Variants in INSR observed in about 807,000 individuals in gnomAD.
INSR encodes the protein insulin receptor.
In INSR, 67 loss-of-function variants were observed where a neutral mutation model predicts 142.6. That is an observed-to-expected ratio of 0.47 (90% CI 0.39 to 0.58). The LOEUF is 0.58. Among genes scored for constraint, INSR ranks in the 20% least tolerant of loss-of-function variants. INSR has a pLI of 0.00. For synonymous variants in INSR, 756 were observed against 743.1 expected (o/e 1.02, Z -0.28); for missense variants, 1,248 against 1,833.2 (o/e 0.68, Z 5.83).
Position 7,267,777 on chromosome 19 carries a change from G to A in INSR, c.220C>T (p.Arg74Ter). Residue 74 changes from arginine to a stop codon, truncating the protein, a stop_gained, in exon 2 of 22, where the codon CGA (arginine) becomes TGA (stop). Transcript: ENST00000302850. LOFTEE classifies it high-confidence loss of function. The surrounding 1 kb of genome is among the most constrained non-coding windows in gnomAD (Gnocchi z 6.3). ...LMFKTRPEDF[R>*]DLSFPKLIMI... ...ATGAGTTTGGGGAAACTGAGGTCTC[G>A]GAAATCTTCGGGCCTCGTTTTGAAC... 1 of 1,614,148 alleles carries A rather than the reference G, an allele frequency of 6.2e-7. No individual in the cohort carries two copies. Among genetic ancestry groups the A allele is most frequent in the East Asian group, 2.2e-5 (1 of 44,890 alleles).
At chr19:7,179,057 T>G (rs1402976374) in intron 3 of INSR, among the ~76,000 whole-genome samples, 2 of 152,136 alleles carry the variant, frequency 1.3e-5, no homozygotes, top group Non-Finnish European at 2.9e-5. Context: ...ACTACAGGCA[T>G]GCACCCCCTC....
In INSR at chr19:7,180,529, CAA is replaced by C. The variant is rs57184012; in HGVS notation, c.974+3785_974+3786del. On this transcript the variant is annotated intron_variant, in intron 3 of 21. Transcript: ENST00000302850. ...TGGGTGACAGACCAAGACCTTGTCT[CAA>C]AAAAAAAAAAAAAAGACAAAAATAT... 7.4e-4 allele frequency among the ~76,000 whole-genome samples: 68 copies of C among 91,788 alleles called. 3 individuals are homozygous for C. The highest frequency in any genetic ancestry group is 1.4e-3 in the African/African-American group (32 of 22,516). The allele number at this position is 91,788 out of a possible 152,430, so 60.2% of individuals were successfully genotyped here. A position where few individuals can be genotyped will look rare whatever the true frequency, so the allele number is the denominator to read the frequency against.
At chr19:7,292,475 G>T (rs930952928) in intron 1 of INSR, among the ~76,000 whole-genome samples, 6 of 121,754 alleles carry the variant, frequency 4.9e-5, no homozygotes, top group African/African-American at 1.7e-4. Flanking sequence ...GGGGCTGGGG[G>T]GGGGTGGGCC....
rs3957263 is a variant in INSR at position 7,231,304 on chromosome 19, T to G, written c.652+36041A>C. ...TTTGGTGGTGTTTTTTGTTTTTTTTTTTTTTTTTTTTTTTGAGATGGAGTC... is the reference window on the plus strand; with the variant it reads ...TTTGGTGGTGTTTTTTGTTTTTTTTGTTTTTTTTTTTTTTGAGATGGAGTC... On this transcript the variant is annotated intron_variant, in intron 2 of 21. Transcript: ENST00000302850. 3.2e-3 allele frequency among the ~76,000 whole-genome samples: 240 copies of G among 75,296 alleles called. 2 individuals are homozygous for G. The highest frequency in any genetic ancestry group is 9.3e-3 in the African/African-American group (170 of 18,254). 49.4% of individuals were successfully genotyped at this position (75,296 alleles called of 152,430 possible).
rs541625149 is a variant in INSR at position 7,269,897 on chromosome 19, T to C, written c.101-2001A>G. Among the ~76,000 whole-genome samples the C allele has an allele frequency of 2.0e-5, 3 of 152,316 alleles. No individual in the cohort carries two copies. In the East Asian group the frequency reaches 5.8e-4, roughly 29 times the overall value. ...TTTTTGAGGATAAGTATATCCCATGTAATGTTTGGGACATAACTTACCCTA... is the reference window on the plus strand; with the variant it reads ...TTTTTGAGGATAAGTATATCCCATGCAATGTTTGGGACATAACTTACCCTA... On this transcript the variant is annotated intron_variant, in intron 1 of 21. Transcript: ENST00000302850.
At chr19:7,236,397 T>A (rs1976160350) in intron 2 of INSR, among the ~76,000 whole-genome samples, 1 of 152,232 alleles carries the variant, frequency 6.6e-6, no homozygotes, top group African/African-American at 2.4e-5. Flanking sequence ...TGCAGGTTTA[T>A]GAATAATAGC....
intron 2 of INSR, among the ~76,000 whole-genome samples, chr19:7,198,641 A>AG (rs981326362): frequency 1.3e-5 from 2 of 152,048 alleles, no homozygotes; most frequent in Admixed American, 6.5e-5. Context: ...CTCACATTGC[A>AG]GGGGGGGAGG....
At chr19:7,202,396 C>T (rs939270449) in intron 2 of INSR, among the ~76,000 whole-genome samples, 2 of 152,160 alleles carry the variant, frequency 1.3e-5, no homozygotes, top group Admixed American at 6.6e-5. Flanking sequence ...CTGCCTTTGT[C>T]TCCATGTTCA....
intron 9 of INSR, 53 bp from the exon 10 acceptor site, chr19:7,152,980 TACAC>T (rs1219640798): frequency 9.9e-7 from 1 of 1,005,792 alleles, no homozygotes; most frequent in Non-Finnish European, 1.4e-6. Flanking sequence ...TGAACACACA[TACAC>T]ACACACACAC....
At chr19:7,257,102 C>G (rs1976919489) in intron 2 of INSR, among the ~76,000 whole-genome samples, 1 of 151,736 alleles carries the variant, frequency 6.6e-6, no homozygotes. Flanking sequence ...ACCACCATAC[C>G]CAGCTAATTT....
chr19:7,143,153 A>C, intron 11 of INSR, 63 bp from the exon 12 acceptor site: 9 of 1,564,298 alleles, frequency 5.8e-6, no homozygotes, highest in Non-Finnish European at 7.9e-6. Context: ...AAAAAGTGAC[A>C]CTGGAGAATA....
chr19:7,179,224 A>C (rs1974214707), intron 3 of INSR, among the ~76,000 whole-genome samples: 1 of 152,152 alleles, frequency 6.6e-6, no homozygotes, highest in South Asian at 2.1e-4. Context: ...GTTTATTTTC[A>C]TTCTGTGAGT....
At chr19:7,233,259 G>T (rs926284843) in intron 2 of INSR, among the ~76,000 whole-genome samples, 2 of 152,158 alleles carry the variant, frequency 1.3e-5, no homozygotes, top group African/African-American at 4.8e-5. Context: ...CTCCCAAAGT[G>T]CTGGGATTAC....
chr19:7,113,627 T>C lies in INSR; in HGVS notation c.*3429A>G, dbSNP rs1361968176. ...TTTAAGAACAAGCAACAAAAAGTGT[T>C]ATCCTAAGCTGGTTTTGTTGCTTTT... On this transcript the variant is annotated 3_prime_UTR_variant, in exon 22 of 22. Coordinates refer to ENST00000302850, the MANE Select transcript of INSR (RefSeq NM_000208.4). 1.3e-5 allele frequency: 2 copies of C among 152,208 alleles called. No individual in the cohort carries two copies. The highest frequency in any genetic ancestry group is 4.8e-5 in the African/African-American group (2 of 41,456). The allele number at this position is 152,208 out of a possible 1,614,324, so 9.4% of individuals were successfully genotyped here. A position where few individuals can be genotyped will look rare whatever the true frequency, so the allele number is the denominator to read the frequency against.
chr19:7,281,236 T>C (rs1477781243), intron 1 of INSR, among the ~76,000 whole-genome samples: 3 of 152,080 alleles, frequency 2.0e-5, no homozygotes, highest in African/African-American at 7.2e-5. Context: ...ACCGTGTAAC[T>C]GGGTATAATT....
intron 1 of INSR, chr19:7,268,596 C>G (rs965689374): frequency 1.0e-6 from 1 of 985,270 alleles, no homozygotes; most frequent in African/African-American, 1.7e-5. Context: ...CTGCCCACAA[C>G]TCTTGCACAA....
rs928529670 is a variant in INSR, at chr19:7,249,821, T to A, written c.652+17524A>T. 2.6e-5 allele frequency among the ~76,000 whole-genome samples: 4 copies of A among 152,158 alleles called. No homozygotes were observed. In the South Asian group the frequency reaches 8.3e-4, roughly 32 times the overall value. ...TCCTGGCTAACAGGGTGAAACCCCG[T>A]CTCTACTAAAAATACAAAAAATTAG... On this transcript the variant is annotated intron_variant, in intron 2 of 21. Transcript: ENST00000302850.
intron 2 of INSR, among the ~76,000 whole-genome samples, chr19:7,254,747 G>T (rs1012773921): frequency 2.0e-5 from 3 of 152,162 alleles, no homozygotes; most frequent in Non-Finnish European, 4.4e-5. Flanking sequence ...GACTTCCTTG[G>T]GTCCTCCCCG....
intron 3 of INSR, among the ~76,000 whole-genome samples, chr19:7,176,968 G>A (rs1974148413): frequency 6.6e-6 from 1 of 152,170 alleles, no homozygotes; most frequent in Admixed American, 6.6e-5. Context: ...TGTTCTGTGT[G>A]GGATGTGATG....
Sources: allele counts gnomAD v4.1 joint callset (sites outside exome capture counted in the v4.1 genomes callset), GRCh38; gene constraint gnomAD v4.1.1; non-coding constraint Gnocchi (gnomAD v3.1); transcripts MANE v1.5; gene names NCBI Gene and HGNC (gene_info 2026-07-23, HGNC 2026-07-21).